GLG1: variants seen among roughly 807,000 people sequenced by gnomAD.
GLG1 encodes golgi glycoprotein 1.
Under a neutral mutation model 160.5 loss-of-function variants are expected in GLG1, and 38 were observed. The observed-to-expected ratio is 0.24, with a 90% CI of 0.18 to 0.31. The LOEUF is 0.31. GLG1 is among the 10% of genes least tolerant of loss of function. GLG1 has a pLI of 1.00. For missense variants in GLG1, 1,373 were observed against 1,505.2 expected (o/e 0.91, Z 1.45); for synonymous variants, 644 against 543.4 (o/e 1.19, Z -2.57).
chr16:74,468,732 C>A (rs2015091893), intron 17 of GLG1: 2 of 556,206 alleles, frequency 3.6e-6, no homozygotes, highest in Non-Finnish European at 6.5e-6. Flanking sequence ...TACAGCTGGA[C>A]TTCCAGTTAC....
chr16:74,471,526 C>G (rs1237840288), intron 14 of GLG1, among the ~76,000 whole-genome samples: 1 of 151,948 alleles, frequency 6.6e-6, no homozygotes, highest in Non-Finnish European at 1.5e-5. Context: ...TTTCACTTTC[C>G]GAAAAGCAGC....
chr16:74,489,722 T>G (rs1293233603), intron 8 of GLG1, among the ~76,000 whole-genome samples: 4 of 152,186 alleles, frequency 2.6e-5, no homozygotes, highest in African/African-American at 9.7e-5. Context: ...TTAAAGAAGT[T>G]ACATTTGTCT....
At chr16:74,587,129 C>A (rs1958072299) in intron 1 of GLG1, among the ~76,000 whole-genome samples, 1 of 152,178 alleles carries the variant, frequency 6.6e-6, no homozygotes, top group African/African-American at 2.4e-5. Flanking sequence ...CTCCCTTACT[C>A]CCATTGTGAA....
chr16:74,492,963 G>A lies in GLG1; in HGVS notation c.1228C>T (p.His410Tyr). ...AAAAAAATATGAATGCTACCTCTGTGTACAGCTGACTCCAGGCACATTAAC... is the reference window on the plus strand; with the variant it reads ...AAAAAAATATGAATGCTACCTCTGTATACAGCTGACTCCAGGCACATTAAC... ...YLLMCLESAVHRGRQVSSECQ... is the reference protein window; with the variant it reads ...YLLMCLESAVYRGRQVSSECQ... Residue 410 changes from histidine (H) to tyrosine (Y), a missense_variant, in exon 7 of 26, where the codon CAC becomes TAC. His to Tyr is a moderately conservative substitution (Grantham distance 83). This residue lies in a region of GLG1 where 386 missense variants were observed against 388.5 expected (regional missense o/e 0.99). Transcript: ENST00000422840. The A allele has an allele frequency of 6.2e-7, 1 of 1,604,614 alleles. No individual in the cohort carries two copies. The highest frequency in any genetic ancestry group is 8.5e-7 in the Non-Finnish European group (1 of 1,174,990).
intron 20 of GLG1, 61 bp downstream of exon 20, chr16:74,463,295 C>T (rs2014872374): frequency 1.9e-6 from 3 of 1,553,958 alleles, no homozygotes; most frequent in South Asian, 2.2e-5. Context: ...GGTCACTCTA[C>T]AGCCACTGAA....
intron 1 of GLG1, among the ~76,000 whole-genome samples, chr16:74,586,910 G>A (rs1365187136): frequency 2.0e-5 from 3 of 152,020 alleles, no homozygotes; most frequent in Non-Finnish European, 4.4e-5. Flanking sequence ...TCGTCAGTCT[G>A]GTCTCAACTC....
intron 23 of GLG1, among the ~76,000 whole-genome samples, 153 bp downstream of exon 23, chr16:74,459,529 A>T (rs2014698686): frequency 6.6e-6 from 1 of 152,178 alleles, no homozygotes; most frequent in Non-Finnish European, 1.5e-5. Context: ...ATCAAATGAA[A>T]GTTTGGTAAG....
intron 1 of GLG1, among the ~76,000 whole-genome samples, chr16:74,589,595 G>A (rs369444831): frequency 6.6e-6 from 1 of 152,162 alleles, no homozygotes; most frequent in East Asian, 1.9e-4. Flanking sequence ...CGGGTGTGGG[G>A]CAGCAAGATG....
At chr16:74,507,449 A>G (rs1432005632) in intron 3 of GLG1, among the ~76,000 whole-genome samples, 1 of 152,162 alleles carries the variant, frequency 6.6e-6, no homozygotes, top group Non-Finnish European at 1.5e-5. Context: ...AAAAAAAACT[A>G]CTTATGGCCG....
intron 2 of GLG1, among the ~76,000 whole-genome samples, chr16:74,523,565 G>A (rs182661534): frequency 2.6e-4 from 40 of 152,102 alleles, no homozygotes; most frequent in Admixed American, 2.2e-3. Context: ...CAACTCATGA[G>A]CACAACTGCT....
chr16:74,569,868 A>G (rs955514235), intron 1 of GLG1, among the ~76,000 whole-genome samples: 2 of 151,132 alleles, frequency 1.3e-5, no homozygotes, highest in East Asian at 1.9e-4. Flanking sequence ...ACTCAAAAAA[A>G]AAAAAAGAAA....
chr16:74,590,084 G>A (rs940093254), intron 1 of GLG1, among the ~76,000 whole-genome samples: 5 of 151,988 alleles, frequency 3.3e-5, no homozygotes, highest in Non-Finnish European at 7.4e-5. Context: ...TGCAAGCTCC[G>A]CCTCCAGGGT....
intron 1 of GLG1, among the ~76,000 whole-genome samples, chr16:74,577,882 G>T (rs982368386): frequency 6.6e-6 from 1 of 151,830 alleles, no homozygotes; most frequent in Admixed American, 6.6e-5. Context: ...CTCCCAAAGT[G>T]CTGGGATTAA....
intron 1 of GLG1, among the ~76,000 whole-genome samples, chr16:74,543,397 T>C (rs1435069291): frequency 6.6e-6 from 1 of 152,136 alleles, no homozygotes; most frequent in Non-Finnish European, 1.5e-5. Context: ...AGACCAGGAG[T>C]TGGAGGCAGT....
chr16:74,604,176 G>A lies in GLG1; in HGVS notation c.438+2481C>T, dbSNP rs957269286. 2.0e-5 allele frequency among the ~76,000 whole-genome samples: 3 copies of A among 152,028 alleles called. No individual in the cohort carries two copies. The South Asian group carries it at 6.2e-4, about 32-fold the overall frequency. On this transcript the variant is annotated intron_variant, in intron 1 of 25. Transcript: ENST00000422840. The stretch of plus-strand genomic sequence containing the variant: ...TGCACTCCAGCCTGGATGACAGAGC[G>A]AGACCCTGTCTCCATAATAAAAAAT...
chr16:74,495,184 G>T (rs1047753533), intron 5 of GLG1, among the ~76,000 whole-genome samples: 3 of 145,948 alleles, frequency 2.1e-5, no homozygotes, highest in Middle Eastern at 3.5e-3. Flanking sequence ...CACAATCTTA[G>T]CTCGGTGCAA....
intron 1 of GLG1, among the ~76,000 whole-genome samples, chr16:74,554,251 G>A (rs1409272363): frequency 6.6e-6 from 1 of 152,162 alleles, no homozygotes; most frequent in Non-Finnish European, 1.5e-5. Context: ...AATGGGAGGA[G>A]AGCCAGGCGC....
intron 1 of GLG1, among the ~76,000 whole-genome samples, chr16:74,584,688 G>A (rs1008350475): frequency 7.2e-5 from 11 of 152,128 alleles, no homozygotes; most frequent in African/African-American, 2.7e-4. Context: ...GGAGGCTGAG[G>A]CGGGTGGTCA....
chr16:74,472,981 A>G (rs1215634884), intron 13 of GLG1: 1 of 155,568 alleles, frequency 6.4e-6, no homozygotes, highest in Non-Finnish European at 1.4e-5. Context: ...GATGACGACG[A>G]AATGAGAGAA....
Sources: gnomAD v4.1 joint callset for allele counts (sites outside exome capture counted in the v4.1 genomes callset) on GRCh38, gnomAD v4.1.1 for gene constraint, gnomAD v4.1.1 regional missense constraint, MANE v1.5 for transcripts, NCBI Gene and HGNC (gene_info 2026-07-23, HGNC 2026-07-21) for gene names.